VAC14: variants seen among roughly 807,000 people sequenced by gnomAD.
VAC14 encodes the protein protein VAC14 homolog.
VAC14 carries 47 observed loss-of-function variants against 85.3 expected under a neutral mutation model. The ratio of observed to expected loss-of-function variants is 0.55; its 90% CI spans 0.44 to 0.70. The LOEUF is 0.70. Ranked by LOEUF, VAC14 falls within the 30% of genes least tolerant of loss-of-function variation. VAC14 has a pLI of 0.00. For missense variants in VAC14, 861 were observed against 1,004.3 expected, an observed-to-expected ratio of 0.86 and a Z score of 1.93; for synonymous variants, 447 against 430.5, an observed-to-expected ratio of 1.04 and a Z score of -0.47.
At chr16:70,712,873 G>A (rs2054064881) in intron 14 of VAC14, among the ~76,000 whole-genome samples, 1 of 152,202 alleles carries the variant, frequency 6.6e-6, no homozygotes, top group South Asian at 2.1e-4. Flanking sequence ...GAGAGGCTTG[G>A]CGACGGAGCC....
chr16:70,799,206 C>T (rs1276739364), intron 1 of VAC14, among the ~76,000 whole-genome samples: 1 of 152,218 alleles, frequency 6.6e-6, no homozygotes, highest in Non-Finnish European at 1.5e-5. Context: ...GTCAAGGCAA[C>T]TTCAAAGCCA....
At chr16:70,745,936 C>T (rs1269684871) in intron 12 of VAC14, among the ~76,000 whole-genome samples, 1 of 152,244 alleles carries the variant, frequency 6.6e-6, no homozygotes, top group East Asian at 1.9e-4. Context: ...AAGGTTAGCA[C>T]TGTAGGGCTC....
chr16:70,749,596 A>G (rs1041330802), intron 12 of VAC14, among the ~76,000 whole-genome samples: 2 of 152,162 alleles, frequency 1.3e-5, no homozygotes, highest in African/African-American at 4.8e-5. Context: ...CCCCTCCAGC[A>G]CTTTAAATAA....
chr16:70,721,467 GGAGAA>G (rs2054290956), intron 14 of VAC14, among the ~76,000 whole-genome samples: 1 of 152,102 alleles, frequency 6.6e-6, no homozygotes, highest in Non-Finnish European at 1.5e-5. Flanking sequence ...AAGCAGAGGA[GGAGAA>G]GAGAAGGAAG....
chr16:70,763,114 C>A, intron 10 of VAC14, 89 bp from the exon 11 acceptor site: 3 of 1,574,512 alleles, frequency 1.9e-6, no homozygotes, highest in Non-Finnish European at 1.7e-6. Flanking sequence ...GCCTGCACAT[C>A]CTGAGTCACA....
intron 14 of VAC14, among the ~76,000 whole-genome samples, chr16:70,727,036 T>C (rs2054449345): frequency 6.6e-6 from 1 of 152,200 alleles, no homozygotes; most frequent in Non-Finnish European, 1.5e-5. Flanking sequence ...TCTTCCTCAA[T>C]GCCAAGAACC....
chr16:70,697,034 G>T, intron 16 of VAC14, 105 bp downstream of exon 16: 2 of 870,208 alleles, frequency 2.3e-6, no homozygotes, highest in Admixed American at 2.0e-5. Flanking sequence ...GAGGGGTGGG[G>T]ACAGGAGCAT....
At chr16:70,750,919 G>A (rs1166113352) in intron 12 of VAC14, among the ~76,000 whole-genome samples, 2 of 152,150 alleles carry the variant, frequency 1.3e-5, no homozygotes, top group African/African-American at 4.8e-5. Context: ...CACCAGATTT[G>A]CAAGGTCAAG....
At chr16:70,783,294 G>C in intron 6 of VAC14, 151 bp downstream of exon 6, 1 of 1,004,276 alleles carries the variant, frequency 1.0e-6, no homozygotes, top group South Asian at 1.5e-5. Flanking sequence ...GGGGTTGATG[G>C]GCTCTTGGCT....
intron 1 of VAC14, among the ~76,000 whole-genome samples, chr16:70,793,810 G>T (rs996410014): frequency 6.6e-6 from 1 of 152,192 alleles, no homozygotes; most frequent in African/African-American, 2.4e-5. Flanking sequence ...TCAAATAACA[G>T]TATTAGTGCA....
chr16:70,692,600 G>A (rs1484133237), intron 18 of VAC14, among the ~76,000 whole-genome samples: 2 of 152,314 alleles, frequency 1.3e-5, no homozygotes, highest in African/African-American at 4.8e-5. Context: ...CCCGGCCACC[G>A]TGTGAGGGCT....
rs2143279709 is a variant in VAC14 at position 70,785,861 on chromosome 16, C to CCCTGAAGGCT, written c.263_264insAGCCTTCAGG (p.Leu89AlafsTer19). The CCCTGAAGGCT allele has an allele frequency of 1.2e-6, 2 of 1,603,954 alleles. No individual in the cohort carries two copies. The highest frequency in any genetic ancestry group is 4.5e-5 in the East Asian group (2 of 44,524). On this transcript the variant is annotated frameshift_variant, in exon 3 of 19. Coordinates refer to ENST00000261776, the MANE Select transcript of VAC14 (RefSeq NM_018052.5). LOFTEE classifies it high-confidence loss of function. ...GCTCGATCAGCTCCTTCAGGTAGAG[C>CCCTGAAGGCT]CCTGAGTCCTGCAAGGAGGCAGGAG... is the stretch of plus-strand genomic sequence containing the variant.
intron 14 of VAC14, among the ~76,000 whole-genome samples, chr16:70,719,278 A>C (rs916012812): frequency 6.6e-6 from 1 of 152,206 alleles, no homozygotes; most frequent in South Asian, 2.1e-4. Context: ...CATCACTCAG[A>C]AACAGGCGGC....
rs925343091 is a variant in VAC14 at position 70,687,755 on chromosome 16, T to C, written c.*173A>G. The C allele has an allele frequency of 3.1e-6, 2 of 651,824 alleles. No individual in the cohort carries two copies. The highest frequency in any genetic ancestry group is 4.4e-6 in the Non-Finnish European group (2 of 451,154). The allele number at this position is 651,824 out of a possible 1,614,324, so 40.4% of individuals were successfully genotyped here. Reference sequence around the variant, plus strand: ...CTGACAGCGCTGGAGGCCTGGGGACTGGACTCTGAGAGGAGCTTGGGCAGA... The same window carrying C: ...CTGACAGCGCTGGAGGCCTGGGGACCGGACTCTGAGAGGAGCTTGGGCAGA... On this transcript the variant is annotated 3_prime_UTR_variant, in exon 19 of 19. Transcript: ENST00000261776.
At chr16:70,721,435 A>G (rs1019359690) in intron 14 of VAC14, among the ~76,000 whole-genome samples, 6 of 152,000 alleles carry the variant, frequency 3.9e-5, no homozygotes, top group Non-Finnish European at 7.4e-5. Context: ...GACGAGAAAG[A>G]CGAGGGGGAG....
intron 10 of VAC14, chr16:70,768,814 T>C (rs1331562087): frequency 2.4e-5 from 11 of 453,698 alleles, no homozygotes; most frequent in South Asian, 1.4e-4. Context: ...TTTTTTGGTG[T>C]GTGTGTGACA....
intron 14 of VAC14, among the ~76,000 whole-genome samples, chr16:70,729,133 C>A (rs1434089555): frequency 1.3e-5 from 2 of 152,194 alleles, no homozygotes; most frequent in Non-Finnish European, 2.9e-5. Context: ...ACGGTCCCAA[C>A]TGGGTGAATG....
chr16:70,738,094 G>C (rs1455241901), intron 13 of VAC14, among the ~76,000 whole-genome samples: 4 of 152,368 alleles, frequency 2.6e-5, no homozygotes, highest in African/African-American at 9.6e-5. Flanking sequence ...AGTCGTGCTT[G>C]GCACAGGAAG....
intron 12 of VAC14, among the ~76,000 whole-genome samples, chr16:70,750,594 G>A (rs1170193486): frequency 6.6e-6 from 1 of 152,030 alleles, no homozygotes; most frequent in African/African-American, 2.4e-5. Context: ...CAGGGCGAGG[G>A]GAGAGGGCTT....
Sources: gnomAD v4.1 joint callset for allele counts (sites outside exome capture counted in the v4.1 genomes callset) on GRCh38, gnomAD v4.1.1 for gene constraint, MANE v1.5 for transcripts, NCBI Gene and HGNC (gene_info 2026-07-23, HGNC 2026-07-21) for gene names.